The following RERE variants were observed in gnomAD, a reference collection of about 807,000 sequenced individuals.
The protein encoded by RERE is arginine-glutamic acid dipeptide repeats protein.
Under a neutral mutation model 146.1 loss-of-function variants are expected in RERE, and 40 were observed. The ratio of observed to expected loss-of-function variants is 0.27; its 90% confidence interval spans 0.21 to 0.36. The LOEUF (loss-of-function observed/expected upper bound fraction) is 0.36, where lower values mean the gene tolerates loss of function less well. RERE is among the 10% of genes least tolerant of loss of function. The pLI, the probability that RERE is intolerant of heterozygous loss-of-function variation, is 1.00. For missense variants in RERE, 1,933 were observed against 2,138.7 expected, an observed-to-expected ratio of 0.90 and a Z score of 1.90; for synonymous variants, 1,003 against 866.0, an observed-to-expected ratio of 1.16 and a Z score of -2.78.
intron 7 of RERE, among the ~76,000 whole-genome samples, chr1:8,539,254 G>C (rs893662621): frequency 6.6e-6 from 1 of 152,150 alleles, no homozygotes; most frequent in Non-Finnish European, 1.5e-5. Flanking sequence ...TGAGAAGGTA[G>C]CCAATAAATG....
At chr1:8,453,984 C>A (rs1308476313) in intron 11 of RERE, among the ~76,000 whole-genome samples, 2 of 152,128 alleles carry the variant, frequency 1.3e-5, no homozygotes, top group African/African-American at 4.8e-5. Context: ...ATGTGTGACA[C>A]CTCCACAGAT....
At chr1:8,621,600 A>G (rs1247574714) in intron 3 of RERE, among the ~76,000 whole-genome samples, 1 of 152,232 alleles carries the variant, frequency 6.6e-6, no homozygotes, top group Non-Finnish European at 1.5e-5. Context: ...CACATCTCTC[A>G]GTTATAACCC....
intron 15 of RERE, 56 bp downstream of exon 15, chr1:8,364,000 C>G: frequency 1.3e-6 from 2 of 1,533,674 alleles, no homozygotes; most frequent in Non-Finnish European, 1.8e-6. Flanking sequence ...CAAGCCCCCA[C>G]ACATCCCAGG....
At chr1:8,761,926 A>G (rs969115831) in intron 1 of RERE, among the ~76,000 whole-genome samples, 2 of 152,174 alleles carry the variant, frequency 1.3e-5, no homozygotes, top group Admixed American at 6.5e-5. Flanking sequence ...CTGTCTCAAA[A>G]AAAAGGAAAA....
chr1:8,365,783 C>T (rs1641782538), intron 13 of RERE, 29 bp downstream of exon 13: 3 of 1,611,448 alleles, frequency 1.9e-6, no homozygotes, highest in Admixed American at 3.3e-5. Flanking sequence ...CTCCCCTCCG[C>T]CCACTGTGAT....
rs756888849 is a variant in RERE, at chr1:8,407,791, AGCT to A, written c.1284+14933_1284+14935del. Among the ~76,000 whole-genome samples the A allele has an allele frequency of 9.6e-4, 146 of 152,212 alleles. 2 individuals carry two copies. Among genetic ancestry groups the A allele is most frequent in the Admixed American group, 8.5e-4 (13 of 15,280 alleles). ...AAAGCAGCATTTAAAACCTTTTTAA[AGCT>A]GCAGCCACTTCTTTCTTTTGAAACA... On this transcript the variant is annotated intron_variant, in intron 12 of 22. Coordinates refer to ENST00000400908, the MANE Select transcript of RERE (RefSeq NM_001042681.2).
chr1:8,549,500 A>T (rs140334436), intron 6 of RERE, among the ~76,000 whole-genome samples: 1 of 152,242 alleles, frequency 6.6e-6, no homozygotes, highest in African/African-American at 2.4e-5. Flanking sequence ...ATTCCAATTA[A>T]TAAGTGTAGA....
At position 8,602,304 on chromosome 1, in the gene RERE, T is replaced by A. The variant is rs1646642353; in HGVS notation, c.522+12257A>T. The stretch of plus-strand genomic sequence containing the variant: ...TACTCGGGAGGCTGAGGCAGGAGAA[T>A]CACTTGAACCTGGGAGGTGAACGCT... On this transcript the variant is annotated intron_variant, in intron 4 of 22. Transcript: ENST00000400908. 2.0e-5 allele frequency among the ~76,000 whole-genome samples: 3 copies of A among 150,742 alleles called. No individual in the cohort carries two copies. In the South Asian group the frequency reaches 6.3e-4, roughly 32 times the overall value.
At chr1:8,639,312 A>G (rs879888245) in intron 2 of RERE, among the ~76,000 whole-genome samples, 4 of 152,148 alleles carry the variant, frequency 2.6e-5, no homozygotes, top group Non-Finnish European at 4.4e-5. Flanking sequence ...CATATGACAA[A>G]ACTGATGGTC....
chr1:8,808,720 G>C (rs1641735799), intron 1 of RERE, among the ~76,000 whole-genome samples: 1 of 152,150 alleles, frequency 6.6e-6, no homozygotes, highest in Non-Finnish European at 1.5e-5. Flanking sequence ...AAATACTACA[G>C]CTTGGTAAGT....
intron 19 of RERE, 64 bp downstream of exon 19, chr1:8,359,700 G>A (rs1641473224): frequency 1.3e-6 from 2 of 1,548,584 alleles, no homozygotes; most frequent in Non-Finnish European, 8.8e-7. Flanking sequence ...CGGTGGCCCA[G>A]CGTGGCTCCC....
At chr1:8,448,156 C>G (rs1235827734) in intron 11 of RERE, among the ~76,000 whole-genome samples, 2 of 152,178 alleles carry the variant, frequency 1.3e-5, no homozygotes, top group Non-Finnish European at 2.9e-5. Flanking sequence ...CTGGAGGCCT[C>G]TGCACACGAC....
At position 8,417,499 on chromosome 1, in the gene RERE, C is replaced by T. The variant is rs537610124; in HGVS notation, c.1284+5228G>A. Among the ~76,000 whole-genome samples the T allele has an allele frequency of 3.3e-4, 51 of 152,366 alleles. 1 individual carries two copies. The highest frequency in any genetic ancestry group is 5.3e-4 in the Non-Finnish European group (36 of 68,032). ...AACGTCAAAACTGGCTGCCCTTTCA[C>T]TGGGCCCTTGGTGCCAAACAGTGAC... On this transcript the variant is annotated intron_variant, in intron 12 of 22. Coordinates refer to ENST00000400908, the MANE Select transcript of RERE (RefSeq NM_001042681.2).
chr1:8,566,973 T>C (rs1646160654), intron 4 of RERE, among the ~76,000 whole-genome samples: 1 of 152,054 alleles, frequency 6.6e-6, no homozygotes, highest in South Asian at 2.1e-4. Context: ...GTATTTTTAG[T>C]AGAAATGGGG....
At chr1:8,527,537 G>A (rs2124357160) in intron 7 of RERE, among the ~76,000 whole-genome samples, 1 of 152,228 alleles carries the variant, frequency 6.6e-6, no homozygotes, top group East Asian at 1.9e-4. Flanking sequence ...GTCTCTGAAA[G>A]CCCATGAAAC....
In RERE at chr1:8,446,646, T is replaced by C. The variant is rs543412363; in HGVS notation, c.1203+19279A>G. Among the ~76,000 whole-genome samples, 155 of 152,312 alleles carry C rather than the reference T, an allele frequency of 1.0e-3. 1 individual carries two copies. The highest frequency in any genetic ancestry group is 1.5e-3 in the Non-Finnish European group (105 of 68,012). On this transcript the variant is annotated intron_variant, in intron 11 of 22. Transcript: ENST00000400908. The stretch of plus-strand genomic sequence containing the variant: ...ATCAAACGTAGGTTTGGTCTTTTCA[T>C]AGTCCCATATTTCTTGGAGGCTTTG...
chr1:8,501,603 C>G (rs1337429592), intron 8 of RERE, among the ~76,000 whole-genome samples: 1 of 134,132 alleles, frequency 7.5e-6, no homozygotes, highest in Non-Finnish European at 1.6e-5. Context: ...GCCGCCCCGT[C>G]CGGGAGGGAG....
At chr1:8,381,696 T>C (rs766292592) in intron 12 of RERE, among the ~76,000 whole-genome samples, 3 of 152,142 alleles carry the variant, frequency 2.0e-5, no homozygotes, top group Non-Finnish European at 4.4e-5. Flanking sequence ...CTCTCAAAAA[T>C]GAAAATGATT....
chr1:8,533,807 C>T (rs1480772310), intron 7 of RERE, among the ~76,000 whole-genome samples: 2 of 152,180 alleles, frequency 1.3e-5, no homozygotes, highest in Non-Finnish European at 1.5e-5. Context: ...TCCATTACTC[C>T]AGGTAACATT....
Sources: allele counts gnomAD v4.1 joint callset (sites outside exome capture counted in the v4.1 genomes callset), GRCh38; gene constraint gnomAD v4.1.1; transcripts MANE v1.5; gene names NCBI Gene and HGNC (gene_info 2026-07-23, HGNC 2026-07-21).